The following ANXA5 variants were observed in gnomAD, a reference collection of about 807,000 sequenced individuals.
ANXA5 encodes the protein CBP-I.
A neutral mutation model predicts 48.1 loss-of-function variants in ANXA5; 40 were observed. The ratio of observed to expected loss-of-function variants is 0.83; its 90% confidence interval spans 0.65 to 1.08. The LOEUF (loss-of-function observed/expected upper bound fraction) is 1.08. Ranked by LOEUF, ANXA5 falls within the 50% of genes least tolerant of loss-of-function variation. The probability of loss-of-function intolerance (pLI) is 0.00; values close to 1 mark genes in which losing one functional copy is unlikely to be tolerated. For synonymous variants in ANXA5, 113 were observed against 129.1 expected, an observed-to-expected ratio of 0.88 and a Z score of 0.85; for missense variants, 357 against 376.8, an observed-to-expected ratio of 0.95 and a Z score of 0.44.
chr4:121,694,113 G>T (rs1028340203), intron 2 of ANXA5, among the ~76,000 whole-genome samples: 2 of 84,894 alleles, frequency 2.4e-5, no homozygotes, highest in Non-Finnish European at 4.3e-5. Context: ...GGGGGGGAGG[G>T]GGGAGGGATA....
In ANXA5 at chr4:121,671,582, G is replaced by A. The variant is rs1205110674; in HGVS notation, c.686C>T (p.Thr229Ile). ...GAGTAGTTGCTCTAAATTGCCAGAA[G>A]TCTCGCGGTCAATGGTTTCCTCAAT... ...FQIEETIDRE[T>I]SGNLEQLLLA... Residue 229 changes from threonine (T) to isoleucine (I), a missense_variant, in exon 10 of 13, where the codon ACT becomes ATT. Physicochemically the swap from Thr to Ile is moderately conservative, Grantham distance 89. Coordinates refer to ENST00000296511, the MANE Select transcript of ANXA5 (RefSeq NM_001154.4). 6.2e-7 allele frequency: 1 copy of A among 1,613,582 alleles called. No homozygotes were observed. Among genetic ancestry groups the A allele is most frequent in the Non-Finnish European group, 8.5e-7 (1 of 1,179,616 alleles).
At position 121,670,620 on chromosome 4, in the gene ANXA5, G is replaced by A. The variant is rs191108067; in HGVS notation, c.722-608C>T. ...TCAGACCTCAGTCTGCTTAGCTTCA[G>A]AAAATCTATCATGAAAATTCCTTAA... On this transcript the variant is annotated intron_variant, in intron 10 of 12. Coordinates refer to ENST00000296511, the MANE Select transcript of ANXA5 (RefSeq NM_001154.4). Among the ~76,000 whole-genome samples, 37 of 152,246 alleles carry A rather than the reference G, an allele frequency of 2.4e-4. No individual in the cohort carries two copies. In the Middle Eastern group the frequency reaches 0.01, roughly 42 times the overall value.
At chr4:121,678,131 C>A in intron 7 of ANXA5, 181 bp from the exon 8 acceptor site, 1 of 619,476 alleles carries the variant, frequency 1.6e-6, no homozygotes. Flanking sequence ...CCAATAATGA[C>A]CCTACTGATT....
chr4:121,672,607 T>C lies in ANXA5; in HGVS notation c.551A>G (p.Glu184Gly). The change falls in exon 9 of 13, where the codon GAA becomes GGA. Residue 184 changes from glutamate (E) to glycine (G), a missense_variant. Coordinates refer to ENST00000296511, the MANE Select transcript of ANXA5 (RefSeq NM_001154.4). ...TTCTTCATCTGTCCCCCATTTAAGTTCTCCAGCCTGAAATAAAGCCTGCAA... is the reference window on the plus strand; with the variant it reads ...TTCTTCATCTGTCCCCCATTTAAGTCCTCCAGCCTGAAATAAAGCCTGCAA... The part of the protein sequence containing the change: ...QDAQALFQAG[E>G]LKWGTDEEKF... 1 of 1,613,676 alleles carries C rather than the reference T, an allele frequency of 6.2e-7. No individual in the cohort carries two copies. Among genetic ancestry groups the C allele is most frequent in the Non-Finnish European group, 8.5e-7 (1 of 1,179,726 alleles).
At chr4:121,693,151 T>C (rs765242845) in intron 2 of ANXA5, among the ~76,000 whole-genome samples, 1 of 151,906 alleles carries the variant, frequency 6.6e-6, no homozygotes, top group African/African-American at 2.4e-5. Context: ...AGAGAATCAG[T>C]TGAACCCAGG....
Position 121,669,533 on chromosome 4 carries a change from C to T in ANXA5, c.903+69G>A, listed in dbSNP as rs1724576131. The T allele has an allele frequency of 3.2e-6, 5 of 1,580,090 alleles. No individual in the cohort carries two copies. The South Asian group carries it at 5.7e-5, about 18-fold the overall frequency. On this transcript the variant is annotated intron_variant, in intron 12 of 12. Coordinates refer to ENST00000296511, the MANE Select transcript of ANXA5 (RefSeq NM_001154.4). ...AACACAAGAATCAGGTTCTCTTATC[C>T]TTGTCTTTCATGCAACATACCAGTC...
chr4:121,682,057 T>C (rs1724802747), intron 5 of ANXA5, among the ~76,000 whole-genome samples: 2 of 152,152 alleles, frequency 1.3e-5, no homozygotes, highest in South Asian at 4.1e-4. Flanking sequence ...TTTAATTTGA[T>C]CAGTTAATTC....
chr4:121,686,619 C>T (rs969787810), intron 2 of ANXA5, among the ~76,000 whole-genome samples: 28 of 152,290 alleles, frequency 1.8e-4, no homozygotes, highest in Admixed American at 1.7e-3. Flanking sequence ...GCTCCCTCTT[C>T]TCTGTGACGA....
intron 2 of ANXA5, among the ~76,000 whole-genome samples, chr4:121,686,736 T>A (rs536652364): frequency 1.3e-3 from 198 of 152,270 alleles, no homozygotes; most frequent in African/African-American, 4.5e-3. Context: ...CCGCACTAAA[T>A]CTTAATACCC....
At chr4:121,690,003 G>A (rs985355358) in intron 2 of ANXA5, among the ~76,000 whole-genome samples, 7 of 152,148 alleles carry the variant, frequency 4.6e-5, no homozygotes, top group African/African-American at 1.7e-4. Flanking sequence ...GCTGGAGGGG[G>A]CCACCACGCA....
chr4:121,694,008 T>TA (rs1415832206), intron 2 of ANXA5, among the ~76,000 whole-genome samples: 1 of 144,018 alleles, frequency 6.9e-6, no homozygotes, highest in East Asian at 2.1e-4. Context: ...CCTTGTAACT[T>TA]AAACATATAC....
intron 12 of ANXA5, 129 bp downstream of exon 12, chr4:121,669,473 C>A (rs1724575279): frequency 1.8e-6 from 2 of 1,127,564 alleles, no homozygotes; most frequent in Non-Finnish European, 1.3e-6. Flanking sequence ...CTTTTTAACT[C>A]ATTGCTCTAA....
chr4:121,676,022 T>C (rs1215312620), intron 8 of ANXA5, among the ~76,000 whole-genome samples: 1 of 152,224 alleles, frequency 6.6e-6, no homozygotes, highest in Admixed American at 6.5e-5. Flanking sequence ...TGCAGACATC[T>C]GAGAGGACTA....
chr4:121,674,824 C>T (rs1013715646), intron 8 of ANXA5, among the ~76,000 whole-genome samples: 1 of 152,184 alleles, frequency 6.6e-6, no homozygotes, highest in African/African-American at 2.4e-5. Context: ...GGGACCCTTA[C>T]ACCCCTTCCC....
intron 7 of ANXA5, 33 bp from the exon 8 acceptor site, chr4:121,677,983 A>G: frequency 6.4e-7 from 1 of 1,570,828 alleles, no homozygotes; most frequent in Non-Finnish European, 8.7e-7. Flanking sequence ...TTACTGAACT[A>G]TAGAGCATTC....
At chr4:121,678,603 G>A (rs1342395729) in intron 6 of ANXA5, 109 bp from the exon 7 acceptor site, 7 of 906,422 alleles carry the variant, frequency 7.7e-6, no homozygotes, top group Non-Finnish European at 1.2e-5. Context: ...ATTATATTTG[G>A]TTAACATAAA....
At chr4:121,669,431 A>C in intron 12 of ANXA5, 171 bp downstream of exon 12, 9 of 757,936 alleles carry the variant, frequency 1.2e-5, no homozygotes, top group Admixed American at 2.4e-5. Context: ...CTTGGGAGCC[A>C]TCATCTCTAC....
At chr4:121,668,572 CAT>C (rs759332303) in intron 12 of ANXA5, 45 bp from the exon 13 acceptor site, 1 of 1,574,052 alleles carries the variant, frequency 6.4e-7, no homozygotes, top group African/African-American at 1.4e-5. Context: ...TCACAGAAGC[CAT>C]AGAAAATTTT....
At chr4:121,685,029 A>T (rs1253450787) in intron 3 of ANXA5, among the ~76,000 whole-genome samples, 7 of 135,574 alleles carry the variant, frequency 5.2e-5, no homozygotes, top group African/African-American at 8.6e-5. Flanking sequence ...AAAAAAAAAA[A>T]ATATGTATAT....
Sources: gnomAD v4.1 joint callset for allele counts (sites outside exome capture counted in the v4.1 genomes callset) on GRCh38, gnomAD v4.1.1 for gene constraint, MANE v1.5 for transcripts, NCBI Gene and HGNC (gene_info 2026-07-23, HGNC 2026-07-21) for gene names.